SYT6: variants seen among roughly 807,000 people sequenced by gnomAD.
The protein encoded by SYT6 is synaptotagmin-6.
A neutral mutation model predicts 38.4 loss-of-function variants in SYT6; 24 were observed. The observed-to-expected ratio is 0.62, with a 90% CI of 0.45 to 0.88. The LOEUF is 0.88. Among genes scored for constraint, SYT6 ranks in the 40% least tolerant of loss-of-function variants. The probability of loss-of-function intolerance (pLI) is 0.00; values close to 1 mark genes in which losing one functional copy is unlikely to be tolerated. For missense variants in SYT6, 611 were observed against 621.0 expected (o/e 0.98, Z 0.17); for synonymous variants, 265 against 241.9 (o/e 1.10, Z -0.89).
chr1:114,103,385 A>G (rs1165661891), intron 4 of SYT6, among the ~76,000 whole-genome samples: 5 of 152,392 alleles, frequency 3.3e-5, no homozygotes, highest in East Asian at 1.9e-4. Context: ...AAAGCAACCC[A>G]TGTAAGATAT....
At chr1:114,101,964 A>C (rs1675992490) in intron 4 of SYT6, among the ~76,000 whole-genome samples, 1 of 152,212 alleles carries the variant, frequency 6.6e-6, no homozygotes, top group Non-Finnish European at 1.5e-5. Context: ...AACAGGTTCC[A>C]AACCCAGGTC....
At position 114,093,750 on chromosome 1, in the gene SYT6, G is replaced by T. The variant is rs750038640; in HGVS notation, c.*36C>A. 2.0e-5 allele frequency: 32 copies of T among 1,613,764 alleles called. No homozygotes were observed. Among genetic ancestry groups the T allele is most frequent in the Non-Finnish European group, 2.5e-5 (29 of 1,179,918 alleles). The stretch of plus-strand genomic sequence containing the variant: ...AGGTACTTACTCCTAACTCCAGGTG[G>T]CAGTCTCTCTGCTTGCAGCATCCAC... On this transcript the variant is annotated 3_prime_UTR_variant, in exon 7 of 8. Transcript: ENST00000610222.
rs545192123 is a variant in SYT6, at chr1:114,115,923, C to T, written c.1072-12202G>A. ...GCCTCCTCTGGGACTGTCCATGCTC[C>T]ACCCCACTCCACCCCACCTTCTGTC... On this transcript the variant is annotated intron_variant, in intron 3 of 7. Coordinates refer to ENST00000610222, the MANE Select transcript of SYT6 (RefSeq NM_001253772.2). 1.4e-4 allele frequency among the ~76,000 whole-genome samples: 21 copies of T among 152,230 alleles called. No homozygotes were observed. In the South Asian group the frequency reaches 4.2e-3, roughly 30 times the overall value.
chr1:114,123,827 C>G (rs576793114), intron 3 of SYT6, among the ~76,000 whole-genome samples: 1 of 152,310 alleles, frequency 6.6e-6, no homozygotes, highest in East Asian at 1.9e-4. Flanking sequence ...CTCAGGGTCT[C>G]CAGCCCCAGG....
At chr1:114,147,226 T>A (rs1457712707) in intron 1 of SYT6, among the ~76,000 whole-genome samples, 1 of 152,218 alleles carries the variant, frequency 6.6e-6, no homozygotes, top group African/African-American at 2.4e-5. Context: ...CTGCTAATAC[T>A]CATTTGCTTG....
intron 3 of SYT6, among the ~76,000 whole-genome samples, chr1:114,113,912 T>C (rs916710557): frequency 6.6e-6 from 1 of 152,188 alleles, no homozygotes; most frequent in African/African-American, 2.4e-5. Context: ...TATCAAGATC[T>C]ACAGGGCCCT....
At chr1:114,113,148 C>T (rs1213294470) in intron 3 of SYT6, among the ~76,000 whole-genome samples, 1 of 152,194 alleles carries the variant, frequency 6.6e-6, no homozygotes, top group Non-Finnish European at 1.5e-5. Context: ...CTGCTCCCCA[C>T]ACTCCAGAAT....
chr1:114,117,692 A>G (rs908302619), intron 3 of SYT6, among the ~76,000 whole-genome samples: 2 of 152,172 alleles, frequency 1.3e-5, no homozygotes, highest in Non-Finnish European at 2.9e-5. Flanking sequence ...CTCAGGCTCC[A>G]GTTCAGATGT....
chr1:114,139,995 C>A lies in SYT6; in HGVS notation c.164-32G>T, dbSNP rs765187097. On this transcript the variant is annotated intron_variant, in intron 1 of 7. Transcript: ENST00000610222. Reference sequence around the variant, plus strand: ...TCGGCATGAGCCAGGCAGGGAGGGACAGACAGACAGAGGCGGGGAGAAGCG... The same window carrying A: ...TCGGCATGAGCCAGGCAGGGAGGGAAAGACAGACAGAGGCGGGGAGAAGCG... 3.0e-6 allele frequency: 4 copies of A among 1,339,632 alleles called. No homozygotes were observed. The East Asian group carries it at 9.6e-5, about 32-fold the overall frequency. The allele number at this position is 1,339,632 out of a possible 1,614,324, so 83.0% of individuals were successfully genotyped here. A position where few individuals can be genotyped will look rare whatever the true frequency, so the allele number is the denominator to read the frequency against.
At chr1:114,127,381 C>T (rs1677809303) in intron 3 of SYT6, among the ~76,000 whole-genome samples, 1 of 152,148 alleles carries the variant, frequency 6.6e-6, no homozygotes, top group Non-Finnish European at 1.5e-5. Context: ...TCTCCTCTTT[C>T]CTTTCTGGGT....
chr1:114,139,366 C>CCA (rs895109377), intron 2 of SYT6, among the ~76,000 whole-genome samples: 3 of 152,146 alleles, frequency 2.0e-5, no homozygotes, highest in African/African-American at 7.2e-5. Flanking sequence ...CCCCTCACAC[C>CCA]CACACACACC....
intron 6 of SYT6, among the ~76,000 whole-genome samples, chr1:114,096,793 AC>A (rs1675665722): frequency 6.6e-6 from 1 of 152,228 alleles, no homozygotes; most frequent in Non-Finnish European, 1.5e-5. Context: ...TCCAATTTAT[AC>A]AGCTCTCTAG....
intron 1 of SYT6, among the ~76,000 whole-genome samples, chr1:114,144,673 G>C (rs1679063534): frequency 6.6e-6 from 1 of 152,098 alleles, no homozygotes; most frequent in Non-Finnish European, 1.5e-5. Context: ...CTGAGTACTT[G>C]CCATGTGCCA....
intron 1 of SYT6, among the ~76,000 whole-genome samples, chr1:114,151,401 G>T (rs1031442750): frequency 2.0e-5 from 3 of 152,060 alleles, no homozygotes; most frequent in African/African-American, 4.8e-5. Context: ...TAATTCATCT[G>T]GGCCTGCCGA....
chr1:114,152,780 T>A (rs1188800623), intron 1 of SYT6: 1 of 151,948 alleles, frequency 6.6e-6, no homozygotes, highest in East Asian at 1.9e-4. Context: ...TCCGGCGAGC[T>A]CGACTCAGCT....
At chr1:114,104,163 C>T (rs1676135781) in intron 3 of SYT6, among the ~76,000 whole-genome samples, 1 of 152,202 alleles carries the variant, frequency 6.6e-6, no homozygotes, top group Admixed American at 6.5e-5. Flanking sequence ...GACACATGCT[C>T]TAGACTTCAG....
At chr1:114,129,595 T>TCTTTCTTTCTTTCTTTCTTG (rs1553183082) in intron 3 of SYT6, among the ~76,000 whole-genome samples, 2 of 109,050 alleles carry the variant, frequency 1.8e-5, no homozygotes, top group Admixed American at 2.1e-4. Context: ...TTTCTTTCTT[T>TCTTTCTTTCTTTCTTTCTTG]CTTTCTTTCT....
At chr1:114,153,487 A>T (rs1024268664) in intron 1 of SYT6, 123 bp downstream of exon 1, 5 of 540,570 alleles carry the variant, frequency 9.2e-6, no homozygotes, top group Non-Finnish European at 9.8e-6. Flanking sequence ...GCTGGCTCCC[A>T]ATCCAGAATC....
At chr1:114,152,980 C>G (rs4073937) in intron 1 of SYT6, 1 of 152,228 alleles carries the variant, frequency 6.6e-6, no homozygotes, top group Non-Finnish European at 1.5e-5. Context: ...GGGGGAAGGA[C>G]GCCGCAACAC....
Sources: gnomAD v4.1 joint callset for allele counts (sites outside exome capture counted in the v4.1 genomes callset) on GRCh38, gnomAD v4.1.1 for gene constraint, MANE v1.5 for transcripts, NCBI Gene and HGNC (gene_info 2026-07-23, HGNC 2026-07-21) for gene names.